CEP72: variants seen among roughly 807,000 people sequenced by gnomAD.
The protein encoded by CEP72 is centrosomal protein of 72 kDa.
CEP72 carries 78 observed loss-of-function variants against 65.7 expected under a neutral mutation model. That is an observed-to-expected ratio of 1.19 (90% CI 0.99 to 1.43). CEP72 has a LOEUF of 1.43. Ranked by LOEUF, CEP72 falls within the 40% of genes most tolerant of loss-of-function variation. CEP72 has a pLI of 0.00. For missense variants in CEP72, 914 were observed against 832.9 expected (o/e 1.10, Z -1.20); for synonymous variants, 358 against 351.7 (o/e 1.02, Z -0.20).
chr5:649,082 CTGTG>C (rs1561062426), intron 11 of CEP72, among the ~76,000 whole-genome samples: 1 of 141,384 alleles, frequency 7.1e-6, no homozygotes, highest in Admixed American at 7.0e-5. Flanking sequence ...TGAGGTGTGA[CTGTG>C]AGGTGTGACT....
At chr5:634,482 A>C (rs966399415) in intron 5 of CEP72, among the ~76,000 whole-genome samples, 6 of 152,086 alleles carry the variant, frequency 3.9e-5, no homozygotes, top group African/African-American at 1.4e-4. Context: ...TGGAGACCTG[A>C]GTTTGGGCTG....
chr5:617,239 C>T (rs1736053410), intron 1 of CEP72, among the ~76,000 whole-genome samples: 1 of 152,214 alleles, frequency 6.6e-6, no homozygotes, highest in South Asian at 2.1e-4. Flanking sequence ...TGGTTGGCTT[C>T]TGTTCCTTTC....
At chr5:638,663 G>A (rs1469533410) in intron 7 of CEP72, among the ~76,000 whole-genome samples, 6 of 152,166 alleles carry the variant, frequency 3.9e-5, no homozygotes. Context: ...TCTGTTTCAG[G>A]GTTATTGTTT....
Position 635,576 on chromosome 5 carries a change from C to A in CEP72, c.896C>A (p.Pro299Gln). ...CCCAGGCCACACACGTACTTCACCC[C>A]ACACCCAGGTACTTACGCGTGTCTT... ...RAPRPHTYFT[P>Q]HPDSMDTEDS... is the part of the protein sequence containing the mutation. Residue 299 changes from proline to glutamine, a missense_variant, in exon 6 of 12, where the codon CCA becomes CAA. Coordinates refer to ENST00000264935, the MANE Select transcript of CEP72 (RefSeq NM_018140.4). 1 of 1,611,402 alleles carries A rather than the reference C, an allele frequency of 6.2e-7. No homozygotes were observed. Among genetic ancestry groups the A allele is most frequent in the Non-Finnish European group, 8.5e-7 (1 of 1,177,924 alleles).
chr5:643,165 A>G (rs943999705), intron 9 of CEP72: 5 of 977,544 alleles, frequency 5.1e-6, no homozygotes, highest in Non-Finnish European at 6.1e-6. Flanking sequence ...TGATTGCTCC[A>G]CTGCCCTCTA....
chr5:673,484 C>T, the CEP72 span, among the ~76,000 whole-genome samples: 2 of 152,062 alleles, frequency 1.3e-5, no homozygotes, highest in Non-Finnish European at 2.9e-5. Context: ...GTCAGAATCC[C>T]TTGGCCTCCC....
the CEP72 span, among the ~76,000 whole-genome samples, chr5:672,504 C>T: frequency 6.6e-6 from 1 of 152,262 alleles, no homozygotes; most frequent in Non-Finnish European, 1.5e-5. Flanking sequence ...CTTCCTCTGC[C>T]TCATCGGCTG....
chr5:665,014 C>T, intron 2 of CEP72: 19 of 1,473,338 alleles, frequency 1.3e-5, no homozygotes, highest in Admixed American at 1.9e-5. Context: ...GAGTTCTGCC[C>T]CAGTTAGTAC....
intron 1 of CEP72, among the ~76,000 whole-genome samples, chr5:616,120 C>G (rs1735974041): frequency 6.6e-6 from 1 of 152,008 alleles, no homozygotes; most frequent in South Asian, 2.1e-4. Flanking sequence ...TTCTTCATTC[C>G]ACGATGCTCT....
downstream of CEP72, among the ~76,000 whole-genome samples, chr5:657,572 A>T (rs904111751): frequency 6.6e-6 from 1 of 152,218 alleles, no homozygotes; most frequent in Admixed American, 6.5e-5. Context: ...AGGTTTGACT[A>T]CTGATCCAGT....
At position 616,993 on chromosome 5, in the gene CEP72, AC is replaced by A. The variant is rs1344720887; in HGVS notation, c.83-1996del. Among the ~76,000 whole-genome samples, 20 of 151,722 alleles carry A rather than the reference AC, an allele frequency of 1.3e-4. No homozygotes were observed. The East Asian group carries it at 3.9e-3, about 29-fold the overall frequency. On this transcript the variant is annotated intron_variant, in intron 1 of 11. Coordinates refer to ENST00000264935, the MANE Select transcript of CEP72 (RefSeq NM_018140.4). The stretch of plus-strand genomic sequence containing the variant: ...GCTTGCAGGAGGGCTGATGATGTGA[AC>A]AGTGTGTGTGGTTGCAGGAGGGCTG...
chr5:615,945 C>T (rs904541222), intron 1 of CEP72, among the ~76,000 whole-genome samples: 2 of 152,184 alleles, frequency 1.3e-5, no homozygotes, highest in Non-Finnish European at 2.9e-5. Context: ...ACTTTATCAC[C>T]ATTTAGGTCT....
chr5:637,965 G>C lies in CEP72; in HGVS notation c.1206+147G>C, dbSNP rs1395664449. The C allele has an allele frequency of 1.1e-5, 9 of 810,376 alleles. No homozygotes were observed. The South Asian group carries it at 1.5e-4, about 14-fold the overall frequency. The allele number at this position is 810,376 out of a possible 1,614,324, so 50.2% of individuals were successfully genotyped here. A position where few individuals can be genotyped will look rare whatever the true frequency, so the allele number is the denominator to read the frequency against. ...GCTGTTACGGCGGTGCCGTGATTACGCCTACGGCACTGACCGTGTCCCTCC... is the reference window on the plus strand; with the variant it reads ...GCTGTTACGGCGGTGCCGTGATTACCCCTACGGCACTGACCGTGTCCCTCC... On this transcript the variant is annotated intron_variant, in intron 7 of 11. Transcript: ENST00000264935.
intron 3 of CEP72, chr5:665,914 T>G: frequency 2.2e-6 from 1 of 459,610 alleles, no homozygotes; most frequent in Non-Finnish European, 2.6e-6. Flanking sequence ...CCACCCACCT[T>G]CCAGGCCCCG....
chr5:659,665 G>T (rs776080892), downstream of CEP72, among the ~76,000 whole-genome samples: 2 of 152,188 alleles, frequency 1.3e-5, no homozygotes, highest in Non-Finnish European at 2.9e-5. Flanking sequence ...TGGCTGGTCC[G>T]CCTGCTCCTC....
In CEP72 at chr5:642,740, C is replaced by T. The variant is rs73734343; in HGVS notation, c.1540-1559C>T. The T allele has an allele frequency of 2.2e-3, 2,164 of 985,352 alleles. 39 individuals carry two copies. In the African/African-American group the frequency reaches 0.035, roughly 16 times the overall value. The allele number at this position is 985,352 out of a possible 1,614,324, so 61.0% of individuals were successfully genotyped here. ...GAAGAATCTGGCAGCCCGAGCCCCGCGGGTAAGGAGCAGTCAGCACCGTCA... is the reference window on the plus strand; with the variant it reads ...GAAGAATCTGGCAGCCCGAGCCCCGTGGGTAAGGAGCAGTCAGCACCGTCA... On this transcript the variant is annotated intron_variant, in intron 9 of 11. Coordinates refer to ENST00000264935, the MANE Select transcript of CEP72 (RefSeq NM_018140.4).
At chr5:658,027 G>T (rs1327499657), downstream of CEP72, among the ~76,000 whole-genome samples, 3 of 152,318 alleles carry the variant, frequency 2.0e-5, no homozygotes, top group South Asian at 2.1e-4. Flanking sequence ...GGTCCATATT[G>T]TCTTAATTTT....
chr5:668,826 G>T (rs1740069215), downstream of CEP72, among the ~76,000 whole-genome samples: 1 of 152,240 alleles, frequency 6.6e-6, no homozygotes, highest in Non-Finnish European at 1.5e-5. Context: ...GTGTGCGCAC[G>T]TGGACAGCAC....
rs988083828 is a variant in CEP72 at position 645,287 on chromosome 5, G to A, written c.1666+862G>A. Among the ~76,000 whole-genome samples the A allele has an allele frequency of 1.3e-5, 2 of 152,030 alleles. No homozygotes were observed. The highest frequency in any genetic ancestry group is 1.5e-5 in the Non-Finnish European group (1 of 68,002). On this transcript the variant is annotated intron_variant, in intron 10 of 11. Coordinates refer to ENST00000264935, the MANE Select transcript of CEP72 (RefSeq NM_018140.4). The surrounding 1 kb of genome is among the most constrained non-coding windows in gnomAD (Gnocchi z 4.0). ...GGGGCAGCGTCTCCTTGGATCTTTCGCCCGTTGGTTTTTATTGGGTTGTTT... is the reference window on the plus strand; with the variant it reads ...GGGGCAGCGTCTCCTTGGATCTTTCACCCGTTGGTTTTTATTGGGTTGTTT...
Sources: gnomAD v4.1 joint callset for allele counts (sites outside exome capture counted in the v4.1 genomes callset) on GRCh38, gnomAD v4.1.1 for gene constraint, Gnocchi (gnomAD v3.1) non-coding constraint, MANE v1.5 for transcripts, NCBI Gene and HGNC (gene_info 2026-07-23, HGNC 2026-07-21) for gene names.